Variants in CFAP77 observed in about 807,000 individuals in gnomAD.
CFAP77 encodes cilia- and flagella-associated protein 77.
CFAP77 carries 25 observed loss-of-function variants against 31.1 expected under a neutral mutation model. The ratio of observed to expected loss-of-function variants is 0.80; its 90% CI spans 0.59 to 1.12. CFAP77 has a LOEUF of 1.12. Among genes scored for constraint, CFAP77 ranks in the 50% most tolerant of loss-of-function variants. CFAP77 has a pLI of 0.00. For missense variants in CFAP77, 377 were observed against 397.3 expected (o/e 0.95, Z 0.44); for synonymous variants, 151 against 159.9 (o/e 0.94, Z 0.42).
intron 5 of CFAP77, among the ~76,000 whole-genome samples, chr9:132,558,805 G>A (rs1482783316): frequency 6.7e-6 from 1 of 150,278 alleles, no homozygotes. Context: ...CTGAGGTCGG[G>A]AGTTCGAGAC....
In CFAP77 at chr9:132,410,390, A is replaced by T; in HGVS notation, c.119A>T (p.Asp40Val). 2 of 1,601,144 alleles carry T rather than the reference A, an allele frequency of 1.2e-6. No individual in the cohort carries two copies. The highest frequency in any genetic ancestry group is 1.7e-6 in the Non-Finnish European group (2 of 1,175,284). Residue 40 changes from aspartate to valine, a missense_variant, in exon 1 of 6, where the codon GAC (aspartate) becomes GTC (valine). Transcript: ENST00000393216. ...CCGCGGCGGCCCCTGACCGTGGCGG[A>T]CATCCGTTCCGGCATGGAGAACGAG... ...PPPRRPLTVA[D>V]IRSGMENERL...
At chr9:132,482,305 C>G (rs557391434) in intron 1 of CFAP77, 1 of 1,610,430 alleles carries the variant, frequency 6.2e-7, no homozygotes, top group Admixed American at 1.7e-5. Context: ...GCATTTCTTT[C>G]GTAGGCTGCC....
At chr9:132,465,717 A>G (rs1322009244) in intron 1 of CFAP77, among the ~76,000 whole-genome samples, 3 of 152,258 alleles carry the variant, frequency 2.0e-5, no homozygotes, top group East Asian at 1.9e-4. Flanking sequence ...TAGACTACCC[A>G]TAACGTTTTC....
chr9:132,547,892 G>A (rs1852759144), intron 5 of CFAP77, among the ~76,000 whole-genome samples: 1 of 152,154 alleles, frequency 6.6e-6, no homozygotes, highest in Admixed American at 6.5e-5. Flanking sequence ...CACTTGCCCA[G>A]GCAGCCCTCC....
At chr9:132,449,974 A>G (rs1028874989) in intron 1 of CFAP77, among the ~76,000 whole-genome samples, 12 of 151,982 alleles carry the variant, frequency 7.9e-5, no homozygotes, top group East Asian at 3.8e-4. Context: ...GTGCAGTGGC[A>G]CTATCTCAGC....
intron 5 of CFAP77, among the ~76,000 whole-genome samples, chr9:132,567,498 G>C (rs1829899000): frequency 6.6e-6 from 1 of 152,156 alleles, no homozygotes; most frequent in Non-Finnish European, 1.5e-5. Flanking sequence ...CACCTTCTTG[G>C]GGTATGGGAT....
chr9:132,526,542 T>TAA lies in CFAP77; in HGVS notation c.525-11051_525-11050dup, dbSNP rs35890047. On this transcript the variant is annotated intron_variant, in intron 3 of 5. Transcript: ENST00000393216. ...CCACAGCGCCCGACCGGCAGTTTCTTAAAAAAAAACTAAACACCAGGAGCT... is the reference window on the plus strand; with the variant it reads ...CCACAGCGCCCGACCGGCAGTTTCTTAAAAAAAAAAACTAAACACCAGGAGCT... Among the ~76,000 whole-genome samples, 3 of 147,352 alleles carry TAA rather than the reference T, an allele frequency of 2.0e-5. 1 individual carries two copies. The highest frequency in any genetic ancestry group is 4.9e-5 in the African/African-American group (2 of 40,564).
At chr9:132,445,356 G>T (rs2131706742) in intron 1 of CFAP77, among the ~76,000 whole-genome samples, 1 of 152,268 alleles carries the variant, frequency 6.6e-6, no homozygotes, top group East Asian at 1.9e-4. Flanking sequence ...TTGTGTTTTT[G>T]TGTCTGGCCT....
chr9:132,514,614 C>CGGTGCCT (rs1385001795), intron 3 of CFAP77, among the ~76,000 whole-genome samples: 1 of 152,104 alleles, frequency 6.6e-6, no homozygotes, highest in Non-Finnish European at 1.5e-5. Context: ...CTGCCTGCAC[C>CGGTGCCT]GGTGCCGGAA....
chr9:132,502,133 C>T (rs1170861845), intron 3 of CFAP77, among the ~76,000 whole-genome samples: 1 of 152,134 alleles, frequency 6.6e-6, no homozygotes. Flanking sequence ...AGCCCATCTG[C>T]GTGGCAGCAT....
intron 5 of CFAP77, among the ~76,000 whole-genome samples, chr9:132,569,976 G>A (rs1364419924): frequency 5.9e-5 from 9 of 151,916 alleles, no homozygotes; most frequent in Non-Finnish European, 8.8e-5. Context: ...CAAGTGATCC[G>A]CCCACCTTGG....
chr9:132,483,175 G>A (rs1040991221), intron 1 of CFAP77, among the ~76,000 whole-genome samples: 9 of 152,112 alleles, frequency 5.9e-5, no homozygotes, highest in Non-Finnish European at 1.0e-4. Context: ...GGAGGCTGAG[G>A]CAGGACAATC....
At chr9:132,420,955 G>A (rs901177653) in intron 1 of CFAP77, among the ~76,000 whole-genome samples, 3 of 148,936 alleles carry the variant, frequency 2.0e-5, no homozygotes, top group African/African-American at 2.4e-5. Flanking sequence ...TCACCTGGAC[G>A]AAAGGAGATG....
intron 1 of CFAP77, among the ~76,000 whole-genome samples, chr9:132,459,744 G>C (rs1484143104): frequency 7.1e-6 from 1 of 140,368 alleles, no homozygotes; most frequent in Non-Finnish European, 1.5e-5. Flanking sequence ...ATGTGTGTGA[G>C]TGTGTGTGTA....
rs898012563 is a variant in CFAP77 at position 132,499,320 on chromosome 9, G to A, written c.296-52G>A. ...ATTTCTTCTCGATCAGCTGCCTCAG[G>A]GTGCTTACTCCCAGGCTGACCACTG... On this transcript the variant is annotated intron_variant, in intron 2 of 5. Transcript: ENST00000393216. This position sits in a 1 kb window ranked among gnomAD's most constrained non-coding sequence, Gnocchi z 5.4. The A allele has an allele frequency of 6.5e-6, 10 of 1,538,248 alleles. No individual in the cohort carries two copies. The African/African-American group carries it at 1.2e-4, about 19-fold the overall frequency.
chr9:132,519,540 GTGGGTAGA>G (rs1852219184), intron 3 of CFAP77, among the ~76,000 whole-genome samples: 1 of 60,390 alleles, frequency 1.7e-5, no homozygotes, highest in Non-Finnish European at 3.6e-5. Flanking sequence ...GGATGGATGG[GTGGGTAGA>G]TGGATGAATG....
chr9:132,572,317 C>G, intron 5 of CFAP77, 71 bp from the exon 6 acceptor site: 1 of 1,512,870 alleles, frequency 6.6e-7, no homozygotes. Flanking sequence ...AGGGGGCAGG[C>G]GAGGGGAGCA....
At chr9:132,516,916 A>AT (rs1220937741) in intron 3 of CFAP77, among the ~76,000 whole-genome samples, 1 of 152,252 alleles carries the variant, frequency 6.6e-6, no homozygotes, top group Non-Finnish European at 1.5e-5. Context: ...AGTGCTCAGT[A>AT]AACAGCCATG....
intron 4 of CFAP77, among the ~76,000 whole-genome samples, chr9:132,538,800 C>T (rs748560972): frequency 1.3e-5 from 2 of 149,574 alleles, no homozygotes; most frequent in Non-Finnish European, 3.0e-5. Flanking sequence ...TAGAATGGTA[C>T]TTCCTGGCTG....
Sources: allele counts gnomAD v4.1 joint callset (sites outside exome capture counted in the v4.1 genomes callset), GRCh38; gene constraint gnomAD v4.1.1; non-coding constraint Gnocchi (gnomAD v3.1); transcripts MANE v1.5; gene names NCBI Gene and HGNC (gene_info 2026-07-23, HGNC 2026-07-21).